CADPS: variants seen among roughly 807,000 people sequenced by gnomAD.
The protein encoded by CADPS is calcium dependent secretion activator, also known as calcium-dependent secretion activator 1.
In CADPS, 57 loss-of-function variants were observed where a neutral mutation model predicts 167.3. That is an observed-to-expected ratio of 0.34 (90% CI 0.28 to 0.42). CADPS has a LOEUF of 0.42. Among genes scored for constraint, CADPS ranks in the 20% least tolerant of loss-of-function variants. The pLI is 1.00. For synonymous variants in CADPS, 676 were observed against 635.3 expected, an observed-to-expected ratio of 1.06 and a Z score of -0.96; for missense variants, 1,414 against 1,738.1, an observed-to-expected ratio of 0.81 and a Z score of 3.32.
intron 26 of CADPS, among the ~76,000 whole-genome samples, chr3:62,448,622 G>GGT: frequency 1.1e-5 from 1 of 93,636 alleles, no homozygotes; most frequent in Non-Finnish European, 2.2e-5. Flanking sequence ...GAACTTTTTT[G>GGT]GGGGGGGGTG....
intron 3 of CADPS, among the ~76,000 whole-genome samples, chr3:62,733,916 C>T (rs900824259): frequency 1.3e-5 from 2 of 152,152 alleles, no homozygotes; most frequent in Non-Finnish European, 2.9e-5. Context: ...CAGCTTAACT[C>T]CCACGTAAAA....
intron 1 of CADPS, among the ~76,000 whole-genome samples, chr3:62,833,465 G>C (rs114772841): frequency 6.6e-6 from 1 of 151,794 alleles, no homozygotes; most frequent in Non-Finnish European, 1.5e-5. Flanking sequence ...GAGGAGGGAG[G>C]AGGATGAAGC....
At position 62,597,946 on chromosome 3, in the gene CADPS, T is replaced by G. The variant is rs552856309; in HGVS notation, c.1326-5198A>C. The stretch of plus-strand genomic sequence containing the variant: ...TGGCTGTGCAATTTTCAGGGCCCAG[T>G]GCAAATAAAAAATGCAGATCTCCTT... On this transcript the variant is annotated intron_variant, in intron 6 of 29. Transcript: ENST00000383710. Among the ~76,000 whole-genome samples the G allele has an allele frequency of 2.0e-4, 30 of 152,148 alleles. No homozygotes were observed. The South Asian group carries it at 6.0e-3, about 30-fold the overall frequency.
intron 1 of CADPS, among the ~76,000 whole-genome samples, chr3:62,838,764 T>C (rs1344356121): frequency 1.3e-5 from 2 of 152,214 alleles, no homozygotes; most frequent in African/African-American, 4.8e-5. Context: ...ATCATTATAA[T>C]CTTGAATATA....
At chr3:62,447,412 G>C (rs917600915) in intron 26 of CADPS, among the ~76,000 whole-genome samples, 27 of 152,192 alleles carry the variant, frequency 1.8e-4, no homozygotes, top group African/African-American at 6.3e-4. Flanking sequence ...CCTTACACTT[G>C]TTCTTGCAGC....
chr3:62,566,242 C>A (rs1170281395), intron 9 of CADPS, among the ~76,000 whole-genome samples: 2 of 152,224 alleles, frequency 1.3e-5, no homozygotes, highest in African/African-American at 4.8e-5. Flanking sequence ...TTCCCCAGAA[C>A]TCTCACGCTT....
intron 6 of CADPS, among the ~76,000 whole-genome samples, chr3:62,627,078 C>A (rs1330699939): frequency 6.6e-6 from 1 of 151,858 alleles, no homozygotes; most frequent in Non-Finnish European, 1.5e-5. Flanking sequence ...TATTCTTAAT[C>A]TTAAGTTCTT....
chr3:62,629,815 T>C (rs1177840025), intron 6 of CADPS, among the ~76,000 whole-genome samples: 1 of 151,434 alleles, frequency 6.6e-6, no homozygotes, highest in Admixed American at 6.6e-5. Context: ...ACAAGCTTTT[T>C]CCCATCTTGG....
intron 1 of CADPS, among the ~76,000 whole-genome samples, chr3:62,863,513 G>T (rs978346553): frequency 6.6e-6 from 1 of 152,086 alleles, no homozygotes; most frequent in African/African-American, 2.4e-5. Context: ...GGCAAGGGAG[G>T]GCTTTTCAAG....
chr3:62,642,396 C>A lies in CADPS; in HGVS notation c.1325+3326G>T, dbSNP rs1224754011. 5.9e-5 allele frequency among the ~76,000 whole-genome samples: 9 copies of A among 152,008 alleles called. 1 individual carries two copies. In the South Asian group the frequency reaches 1.5e-3, roughly 25 times the overall value. ...GTTATTAGGACAAATTAAAGATAAT[C>A]CCCGAAAGGAAAATTTCTGGAATAA... On this transcript the variant is annotated intron_variant, in intron 6 of 29. Transcript: ENST00000383710.
chr3:62,516,633 G>C lies in CADPS; in HGVS notation c.2404C>G (p.Pro802Ala). 6.2e-7 allele frequency: 1 copy of C among 1,602,278 alleles called. No individual in the cohort carries two copies. Among genetic ancestry groups the C allele is most frequent in the South Asian group, 1.1e-5 (1 of 89,134 alleles). ...AAAGCACCTTCAGGTCGACCAAATG[G>C]AAAGCAATACCTAAAAAAGACAAAA... is the stretch of plus-strand genomic sequence containing the variant. Reference protein sequence around the residue: ...NQITHFRYCFPFGRPEGALKA... With the variant: ...NQITHFRYCFAFGRPEGALKA... The change falls in exon 15 of 30, where the codon CCA becomes GCA. Residue 802 changes from proline (P) to alanine (A), a missense_variant. Pro to Ala is a conservative substitution (Grantham distance 27, BLOSUM62 -1). Around this residue, in one of 6 missense-constraint regions of CADPS, gnomAD observed 529 missense variants for 629.6 expected, o/e 0.84. Coordinates refer to ENST00000383710, the MANE Select transcript of CADPS (RefSeq NM_003716.4).
chr3:62,645,973 C>G (rs767765678), intron 5 of CADPS, 130 bp from the exon 6 acceptor site: 41 of 999,078 alleles, frequency 4.1e-5, no homozygotes, highest in Non-Finnish European at 5.8e-5. Flanking sequence ...TAGGTTTGTA[C>G]CAGTCATGCT....
intron 7 of CADPS, among the ~76,000 whole-genome samples, chr3:62,587,791 GC>G (rs370952541): frequency 7.9e-5 from 12 of 152,282 alleles, no homozygotes; most frequent in African/African-American, 2.9e-4. Flanking sequence ...TTGCTGGGGA[GC>G]CCTCTTTTCC....
chr3:62,637,753 G>T (rs569565219), intron 6 of CADPS, among the ~76,000 whole-genome samples: 1 of 152,252 alleles, frequency 6.6e-6, no homozygotes, highest in South Asian at 2.1e-4. Context: ...CAGGCTTTGG[G>T]TTTGGCTTTT....
intron 11 of CADPS, among the ~76,000 whole-genome samples, chr3:62,538,560 A>G (rs1577399860): frequency 6.6e-6 from 1 of 152,044 alleles, no homozygotes; most frequent in East Asian, 1.9e-4. Flanking sequence ...ATTTTAACAG[A>G]TAGATCAGGC....
At chr3:62,701,575 C>T (rs888957676) in intron 3 of CADPS, among the ~76,000 whole-genome samples, 11 of 148,410 alleles carry the variant, frequency 7.4e-5, no homozygotes, top group Admixed American at 6.1e-4. Context: ...CACAACTGCA[C>T]TCCAGCCTGG....
chr3:62,801,714 T>C (rs371775416), intron 1 of CADPS, among the ~76,000 whole-genome samples: 4 of 152,080 alleles, frequency 2.6e-5, no homozygotes, highest in South Asian at 4.1e-4. Context: ...TACTCCTAAA[T>C]TGACCTGTGA....
At position 62,572,671 on chromosome 3, in the gene CADPS, A is replaced by G. The variant is rs538151180; in HGVS notation, c.1578-1733T>C. On this transcript the variant is annotated intron_variant, in intron 8 of 29. Coordinates refer to ENST00000383710, the MANE Select transcript of CADPS (RefSeq NM_003716.4). ...ACTTAACATGAATAAATCTATTTTG[A>G]AAAGTAAACTATATTATAGGCTTGA... is the stretch of plus-strand genomic sequence containing the variant. Among the ~76,000 whole-genome samples the G allele has an allele frequency of 6.7e-5, 10 of 149,512 alleles. No individual in the cohort carries two copies. The East Asian group carries it at 1.9e-3, about 29-fold the overall frequency.
chr3:62,844,717 T>C (rs556292363), intron 1 of CADPS, among the ~76,000 whole-genome samples: 16 of 152,284 alleles, frequency 1.1e-4, no homozygotes, highest in Admixed American at 2.6e-4. Flanking sequence ...ACTAATGCGA[T>C]TGGGAAAATC....
Sources: allele counts gnomAD v4.1 joint callset (sites outside exome capture counted in the v4.1 genomes callset), GRCh38; gene constraint gnomAD v4.1.1; regional missense constraint gnomAD v4.1.1; transcripts MANE v1.5; gene names NCBI Gene and HGNC (gene_info 2026-07-23, HGNC 2026-07-21).